The following RGS7 variants were observed in gnomAD, a reference collection of about 807,000 sequenced individuals.
The protein encoded by RGS7 is regulator of G-protein signaling 7.
A neutral mutation model predicts 81.1 loss-of-function variants in RGS7; 27 were observed. The observed-to-expected ratio is 0.33, with a 90% CI of 0.25 to 0.46. The LOEUF (loss-of-function observed/expected upper bound fraction) is 0.46, where lower values mean the gene tolerates loss of function less well. RGS7 is among the 20% of genes least tolerant of loss of function. The pLI is 1.00. For missense variants in RGS7, 396 were observed against 607.4 expected (o/e 0.65, Z 3.66); for synonymous variants, 208 against 207.7 (o/e 1.00, Z -0.01).
intron 2 of RGS7, among the ~76,000 whole-genome samples, chr1:241,267,671 C>A (rs1305701214): frequency 1.3e-5 from 2 of 152,156 alleles, no homozygotes; most frequent in African/African-American, 4.8e-5. Context: ...TCATCAATTT[C>A]TTTGCCTTTT....
rs566772581 is a variant in RGS7, at chr1:241,017,499, C to CT, written c.176-34371dup. Among the ~76,000 whole-genome samples, 187 of 150,984 alleles carry CT rather than the reference C, an allele frequency of 1.2e-3. 1 individual carries two copies. Among genetic ancestry groups the CT allele is most frequent in the African/African-American group, 4.1e-3 (169 of 41,214 alleles). On this transcript the variant is annotated intron_variant, in intron 3 of 18. Coordinates refer to ENST00000440928, the MANE Select transcript of RGS7 (RefSeq NM_001364886.1). ...TATTTAACTTTACCTTCAATTATGC[C>CT]TTTTTTTTATGTTGCTTCTTTGTGT...
chr1:241,316,687 C>A (rs1001189146), intron 2 of RGS7, among the ~76,000 whole-genome samples: 1 of 152,104 alleles, frequency 6.6e-6, no homozygotes, highest in African/African-American at 2.4e-5. Context: ...ATTTTTGCAT[C>A]CATATTTATC....
chr1:241,092,115 T>C (rs773320870), intron 3 of RGS7, among the ~76,000 whole-genome samples: 4 of 152,232 alleles, frequency 2.6e-5, no homozygotes, highest in Non-Finnish European at 5.9e-5. Flanking sequence ...TATACTGTAA[T>C]GTATTTTCTA....
intron 9 of RGS7, among the ~76,000 whole-genome samples, chr1:240,854,611 G>C (rs762329646): frequency 6.6e-6 from 1 of 152,162 alleles, no homozygotes; most frequent in South Asian, 2.1e-4. Context: ...CCATCCACTG[G>C]ACAATTAGAA....
intron 4 of RGS7, among the ~76,000 whole-genome samples, chr1:240,948,237 C>T (rs1328576724): frequency 6.6e-6 from 1 of 152,116 alleles, no homozygotes; most frequent in African/African-American, 2.4e-5. Flanking sequence ...TAAGTATGGA[C>T]ATTTTTGTCT....
rs143507797 is a variant in RGS7, at chr1:241,233,083, G to A, written c.78+122616C>T. On this transcript the variant is annotated intron_variant, in intron 2 of 18. Transcript: ENST00000440928. ...ACTCCAGCATCACTCCCCAGCACCC[G>A]TAAGTCAGAATGTATGTTTCCCTAG... Among the ~76,000 whole-genome samples, 9 of 152,132 alleles carry A rather than the reference G, an allele frequency of 5.9e-5. No individual in the cohort carries two copies. In the East Asian group the frequency reaches 9.7e-4, roughly 16 times the overall value.
intron 2 of RGS7, among the ~76,000 whole-genome samples, chr1:241,198,358 A>G (rs1573088081): frequency 2.0e-5 from 3 of 152,204 alleles, no homozygotes; most frequent in African/African-American, 7.2e-5. Flanking sequence ...GTGGAAATCA[A>G]TATAACTGAA....
At chr1:240,779,490 T>C (rs1235169877) in intron 18 of RGS7, among the ~76,000 whole-genome samples, 1 of 141,586 alleles carries the variant, frequency 7.1e-6, no homozygotes, top group Non-Finnish European at 1.5e-5. Context: ...GGAAGCTTGT[T>C]TGCCCCTCCC....
chr1:241,175,855 G>A (rs1212234970), intron 2 of RGS7, among the ~76,000 whole-genome samples: 3 of 152,188 alleles, frequency 2.0e-5, no homozygotes, highest in Non-Finnish European at 4.4e-5. Flanking sequence ...GGAATGTATG[G>A]GACAAGTGCA....
intron 3 of RGS7, among the ~76,000 whole-genome samples, chr1:241,095,328 TG>T (rs1446439637): frequency 6.6e-6 from 1 of 152,178 alleles, no homozygotes; most frequent in East Asian, 1.9e-4. Flanking sequence ...TACATATTCA[TG>T]GGATACATAG....
intron 3 of RGS7, among the ~76,000 whole-genome samples, chr1:241,015,856 C>G (rs1454490920): frequency 6.6e-6 from 1 of 152,126 alleles, no homozygotes; most frequent in East Asian, 1.9e-4. Context: ...AAGGCATTGA[C>G]TTTTTTCTGA....
At chr1:241,154,985 A>T (rs1014866260) in intron 2 of RGS7, among the ~76,000 whole-genome samples, 5 of 152,246 alleles carry the variant, frequency 3.3e-5, no homozygotes, top group Non-Finnish European at 5.9e-5. Flanking sequence ...AAAATCAAGA[A>T]AAGGGATTGT....
intron 2 of RGS7, among the ~76,000 whole-genome samples, chr1:241,130,497 G>T (rs1463492126): frequency 1.3e-5 from 2 of 152,044 alleles, no homozygotes; most frequent in African/African-American, 4.8e-5. Flanking sequence ...ATTTGAGGAA[G>T]TAAATACTGC....
intron 2 of RGS7, among the ~76,000 whole-genome samples, chr1:241,350,798 C>T (rs1057271930): frequency 2.7e-5 from 4 of 149,192 alleles, no homozygotes; most frequent in South Asian, 2.1e-4. Flanking sequence ...ACGGGGATTT[C>T]GGCGAGAAAC....
At chr1:241,283,409 T>C (rs978729639) in intron 2 of RGS7, among the ~76,000 whole-genome samples, 1 of 152,312 alleles carries the variant, frequency 6.6e-6, no homozygotes, top group East Asian at 1.9e-4. Flanking sequence ...ATATTTTTGC[T>C]GGATATAGTG....
At chr1:240,779,748 T>C (rs897613029) in intron 18 of RGS7, among the ~76,000 whole-genome samples, 1 of 152,210 alleles carries the variant, frequency 6.6e-6, no homozygotes, top group Non-Finnish European at 1.5e-5. Context: ...ATAATAATAG[T>C]ACTTATTTTC....
chr1:241,230,300 G>A (rs368210172), intron 2 of RGS7, among the ~76,000 whole-genome samples: 12 of 150,424 alleles, frequency 8.0e-5, no homozygotes, highest in Admixed American at 6.0e-4. Flanking sequence ...TGAAAACTCC[G>A]CCTCCCAGGT....
chr1:240,899,511 C>T (rs888078554), intron 6 of RGS7, among the ~76,000 whole-genome samples: 1 of 152,188 alleles, frequency 6.6e-6, no homozygotes, highest in Admixed American at 6.5e-5. Context: ...AATTGCTTGT[C>T]CGTAAAGGAT....
chr1:241,236,535 C>A (rs1329052026), intron 2 of RGS7, among the ~76,000 whole-genome samples: 1 of 152,100 alleles, frequency 6.6e-6, no homozygotes, highest in Non-Finnish European at 1.5e-5. Flanking sequence ...TATATAAACA[C>A]ATTGGTTATG....
Sources: gnomAD v4.1 joint callset for allele counts (sites outside exome capture counted in the v4.1 genomes callset) on GRCh38, gnomAD v4.1.1 for gene constraint, MANE v1.5 for transcripts, NCBI Gene and HGNC (gene_info 2026-07-23, HGNC 2026-07-21) for gene names.